The following SH3GL1 variants were observed in gnomAD, a reference collection of about 807,000 sequenced individuals.
SH3GL1 encodes the protein SH3 domain containing GRB2 like 1, endophilin A2.
A neutral mutation model predicts 48.8 loss-of-function variants in SH3GL1; 21 were observed. That is an observed-to-expected ratio of 0.43 (90% confidence interval 0.30 to 0.62). The LOEUF is 0.62. Among genes scored for constraint, SH3GL1 ranks in the 20% least tolerant of loss-of-function variants. SH3GL1 has a pLI of 0.11. For missense variants in SH3GL1, 454 were observed against 503.0 expected, an observed-to-expected ratio of 0.90 and a Z score of 0.93; for synonymous variants, 282 against 217.5, an observed-to-expected ratio of 1.30 and a Z score of -2.61.
rs374077764 is a variant in SH3GL1 at position 4,361,599 on chromosome 19, G to A, written c.*1C>T. On this transcript the variant is annotated 3_prime_UTR_variant, in exon 10 of 10. Transcript: ENST00000269886. ...AGGGGCGGGGCGGGGACACGGGTGA[G>A]TCACTGCGGCAGGGGCACAAGCACC... 1.3e-6 allele frequency: 2 copies of A among 1,592,646 alleles called. No homozygotes were observed. The highest frequency in any genetic ancestry group is 1.3e-5 in the African/African-American group (1 of 74,736).
At chr19:4,386,636 C>G (rs924628880) in intron 1 of SH3GL1, among the ~76,000 whole-genome samples, 8 of 151,772 alleles carry the variant, frequency 5.3e-5, no homozygotes, top group Admixed American at 2.0e-4. Context: ...CCGTGCCCAA[C>G]AATGTTTGGG....
intron 1 of SH3GL1, among the ~76,000 whole-genome samples, chr19:4,386,895 C>T (rs924848518): frequency 1.3e-5 from 2 of 152,364 alleles, no homozygotes; most frequent in South Asian, 2.1e-4. Flanking sequence ...ACGTGAATCA[C>T]GTGGTCAGAA....
Position 4,397,615 on chromosome 19 carries a change from T to G in SH3GL1, c.45+2709A>C, listed in dbSNP as rs556397278. Among the ~76,000 whole-genome samples, 8 of 152,296 alleles carry G rather than the reference T, an allele frequency of 5.3e-5. No individual in the cohort carries two copies. The South Asian group carries it at 1.7e-3, about 32-fold the overall frequency. On this transcript the variant is annotated intron_variant, in intron 1 of 9. Coordinates refer to ENST00000269886, the MANE Select transcript of SH3GL1 (RefSeq NM_003025.4). ...GGACATCTTTCCTGCTAGGGAGCAGTACTCTATGGTGCTCTAACCAAGCAG... is the reference window on the plus strand; with the variant it reads ...GGACATCTTTCCTGCTAGGGAGCAGGACTCTATGGTGCTCTAACCAAGCAG...
chr19:4,378,567 T>C (rs1037316720), intron 1 of SH3GL1, among the ~76,000 whole-genome samples: 65 of 151,838 alleles, frequency 4.3e-4, no homozygotes, highest in Non-Finnish European at 4.4e-5. Flanking sequence ...ATACAAAAAT[T>C]AGCTGGGCAT....
intron 1 of SH3GL1, among the ~76,000 whole-genome samples, chr19:4,373,892 C>A (rs887654432): frequency 2.6e-5 from 4 of 152,196 alleles, no homozygotes; most frequent in African/African-American, 9.7e-5. Context: ...CATGGTGCGG[C>A]CCGGCCACCG....
At chr19:4,372,848 G>A (rs1006856456) in intron 1 of SH3GL1, among the ~76,000 whole-genome samples, 1 of 152,206 alleles carries the variant, frequency 6.6e-6, no homozygotes, top group Admixed American at 6.5e-5. Flanking sequence ...GTGTCTGTCT[G>A]TCCTTCCTGG....
intron 7 of SH3GL1, 59 bp from the exon 8 acceptor site, chr19:4,362,795 C>CTT (rs1378480629): frequency 1.2e-6 from 2 of 1,609,802 alleles, no homozygotes; most frequent in East Asian, 4.5e-5. Flanking sequence ...CAGCCCCACT[C>CTT]TTGTATTTAT....
chr19:4,363,256 T>C, intron 7 of SH3GL1, 114 bp downstream of exon 7: 1 of 824,186 alleles, frequency 1.2e-6, no homozygotes, highest in African/African-American at 1.7e-5. Context: ...CCAGGAAGAA[T>C]CCAGGATGCT....
chr19:4,365,486 G>C lies in SH3GL1; in HGVS notation c.327C>G (p.Asn109Lys), dbSNP rs773086879. 6.2e-7 allele frequency: 1 copy of C among 1,613,692 alleles called. No homozygotes were observed. Among genetic ancestry groups the C allele is most frequent in the Admixed American group, 1.7e-5 (1 of 60,022 alleles). Residue 109 changes from asparagine (N) to lysine (K), a missense_variant, in exon 4 of 10, where the codon AAC becomes AAG. Asn to Lys is a moderately conservative substitution (Grantham distance 94). Coordinates refer to ENST00000269886, the MANE Select transcript of SH3GL1 (RefSeq NM_003025.4). Reference protein sequence around the residue: ...RHGKELGGESNFGDALLDAGE... With the variant: ...RHGKELGGESKFGDALLDAGE... The stretch of plus-strand genomic sequence containing the variant: ...CTTCCAGAGAGCACCACTCACCAAA[G>C]TTGGACTCGCCGCCCAGCTCCTTCC...
chr19:4,392,566 AC>A lies in SH3GL1; in HGVS notation c.45+7757del, dbSNP rs1568422043. On this transcript the variant is annotated intron_variant, in intron 1 of 9. Transcript: ENST00000269886. Reference sequence around the variant, plus strand: ...CACACACACACACACACACACACACACACAAAAGATCATTCCATGTTTATGG... The same window carrying A: ...CACACACACACACACACACACACACAACAAAAGATCATTCCATGTTTATGG... 6.3e-3 allele frequency among the ~76,000 whole-genome samples: 836 copies of A among 131,734 alleles called. 12 individuals are homozygous for A. Among genetic ancestry groups the A allele is most frequent in the African/African-American group, 0.021 (711 of 33,504 alleles). The allele number at this position is 131,734 out of a possible 152,430, so 86.4% of individuals were successfully genotyped here. A position where few individuals can be genotyped will look rare whatever the true frequency, so the allele number is the denominator to read the frequency against.
In SH3GL1 at chr19:4,361,017, G is replaced by A. The variant is rs530829078; in HGVS notation, c.*583C>T. The A allele has an allele frequency of 1.3e-3, 314 of 234,176 alleles. No individual in the cohort carries two copies. The highest frequency in any genetic ancestry group is 6.4e-3 in the African/African-American group (291 of 45,454). The allele number at this position is 234,176 out of a possible 1,614,324, so 14.5% of individuals were successfully genotyped here. ...CAAGCTGACAGCAGGCCCGGGAGGC[G>A]GTGAGGCCCTCTGCCCTGGCCTTGA... is the stretch of plus-strand genomic sequence containing the variant. On this transcript the variant is annotated 3_prime_UTR_variant, in exon 10 of 10. Coordinates refer to ENST00000269886, the MANE Select transcript of SH3GL1 (RefSeq NM_003025.4).
chr19:4,398,414 G>A (rs927272207), intron 1 of SH3GL1, among the ~76,000 whole-genome samples: 4 of 149,124 alleles, frequency 2.7e-5, no homozygotes, highest in African/African-American at 7.5e-5. Context: ...ACGGAGTCTC[G>A]CTCTGTCACC....
At chr19:4,374,806 C>T (rs758219442) in intron 1 of SH3GL1, among the ~76,000 whole-genome samples, 1 of 152,188 alleles carries the variant, frequency 6.6e-6, no homozygotes, top group Non-Finnish European at 1.5e-5. Context: ...CGAGGACGCA[C>T]CCTGCCTGGC....
intron 1 of SH3GL1, among the ~76,000 whole-genome samples, chr19:4,383,218 A>AT (rs34797481): frequency 0.34 from 46,674 of 138,504 alleles, 7,990 homozygotes; most frequent in East Asian, 0.64. Flanking sequence ...ACGCCTGGAC[A>AT]TTTTTTTTTT....
chr19:4,389,740 G>A lies in SH3GL1; in HGVS notation c.45+10584C>T, dbSNP rs1973301456. Among the ~76,000 whole-genome samples, 2 of 152,202 alleles carry A rather than the reference G, an allele frequency of 1.3e-5. No homozygotes were observed. The highest frequency in any genetic ancestry group is 4.8e-5 in the African/African-American group (2 of 41,452). ...TTTACCGGCTCCCTGGGGCAGGCCAGCCAGTAAACCAAACACTGGGGATGC... is the reference window on the plus strand; with the variant it reads ...TTTACCGGCTCCCTGGGGCAGGCCAACCAGTAAACCAAACACTGGGGATGC... On this transcript the variant is annotated intron_variant, in intron 1 of 9. Coordinates refer to ENST00000269886, the MANE Select transcript of SH3GL1 (RefSeq NM_003025.4). The surrounding 1 kb of genome is among the most constrained non-coding windows in gnomAD (Gnocchi z 4.5).
intron 1 of SH3GL1, among the ~76,000 whole-genome samples, chr19:4,385,962 G>A (rs562229409): frequency 6.6e-6 from 1 of 152,340 alleles, no homozygotes; most frequent in South Asian, 2.1e-4. Flanking sequence ...ATACTCTGCA[G>A]TTCTGGGGGT....
At chr19:4,363,184 C>CA (rs1277997010) in intron 7 of SH3GL1, among the ~76,000 whole-genome samples, 186 bp downstream of exon 7, 22 of 152,170 alleles carry the variant, frequency 1.4e-4, no homozygotes, top group South Asian at 2.1e-4. Flanking sequence ...GGTGTTGACT[C>CA]AGAGTTCTCA....
intron 1 of SH3GL1, among the ~76,000 whole-genome samples, chr19:4,399,896 A>G (rs1973491393): frequency 6.6e-6 from 1 of 152,198 alleles, no homozygotes; most frequent in South Asian, 2.1e-4. Context: ...TACCTTTTCA[A>G]CTTTGTACCT....
rs1568405447 is a variant in SH3GL1, at chr19:4,362,323, ACT to A, written c.910+4_910+5del. Reference sequence around the variant, plus strand: ...CTGAGGTCGAGGCGGGCCTGGGAACACTCACGCATGCTCCGGCTAGGGGTCCG... The same window carrying A: ...CTGAGGTCGAGGCGGGCCTGGGAACACACGCATGCTCCGGCTAGGGGTCCG... On this transcript the variant is annotated splice_donor_5th_base_variant and intron_variant, in intron 9 of 9. Transcript: ENST00000269886. The A allele has an allele frequency of 6.2e-7, 1 of 1,610,534 alleles. No individual in the cohort carries two copies. The highest frequency in any genetic ancestry group is 8.5e-7 in the Non-Finnish European group (1 of 1,178,228).
Sources: gnomAD v4.1 joint callset for allele counts (sites outside exome capture counted in the v4.1 genomes callset) on GRCh38, gnomAD v4.1.1 for gene constraint, Gnocchi (gnomAD v3.1) non-coding constraint, MANE v1.5 for transcripts, NCBI Gene and HGNC (gene_info 2026-07-23, HGNC 2026-07-21) for gene names.